Variants in ITGA6 observed in about 807,000 individuals in gnomAD.
The protein encoded by ITGA6 is integrin subunit alpha 6, also known as integrin alpha-6.
In ITGA6, 63 loss-of-function variants were observed where a neutral mutation model predicts 133.6. That is an observed-to-expected ratio of 0.47 (90% CI 0.38 to 0.58). The LOEUF (loss-of-function observed/expected upper bound fraction) is 0.58. Ranked by LOEUF, ITGA6 falls within the 20% of genes least tolerant of loss-of-function variation. ITGA6 has a pLI of 0.00. For missense variants in ITGA6, 1,068 were observed against 1,309.4 expected (o/e 0.82, Z 2.85); for synonymous variants, 434 against 482.0 (o/e 0.90, Z 1.30).
chr2:172,464,950 A>G, intron 1 of ITGA6, among the ~76,000 whole-genome samples: 1 of 152,158 alleles, frequency 6.6e-6, no homozygotes, highest in East Asian at 1.9e-4. Flanking sequence ...GAGGGAAAAA[A>G]AAAAAAGAAT....
In ITGA6 at chr2:172,491,683, T is replaced by A. The variant is rs1485508381; in HGVS notation, c.2988+160T>A. 6.6e-6 allele frequency among the ~76,000 whole-genome samples: 1 copy of A among 152,192 alleles called. No homozygotes were observed. On this transcript the variant is annotated intron_variant, in intron 23 of 25. Transcript: ENST00000684293. This position sits in a 1 kb window ranked among gnomAD's most constrained non-coding sequence, Gnocchi z 4.4. ...ACTGGCACTGCAAGCTGTATTTTAATAGAATCATTGAAAAAAAGAAGTAAA... is the reference window on the plus strand; with the variant it reads ...ACTGGCACTGCAAGCTGTATTTTAAAAGAATCATTGAAAAAAAGAAGTAAA...
At chr2:172,434,959 G>A (rs559318031) in intron 1 of ITGA6, among the ~76,000 whole-genome samples, 10 of 151,782 alleles carry the variant, frequency 6.6e-5, no homozygotes, top group Admixed American at 2.6e-4. Flanking sequence ...TGCTTTGCTC[G>A]GTGATATCAA....
At chr2:172,460,785 A>C (rs761650387) in intron 1 of ITGA6, among the ~76,000 whole-genome samples, 2 of 152,238 alleles carry the variant, frequency 1.3e-5, no homozygotes, top group Non-Finnish European at 2.9e-5. Flanking sequence ...TTTAGGTCTT[A>C]ATTTGGACAA....
In ITGA6 at chr2:172,494,474, C is replaced by T. The variant is rs78871130; in HGVS notation, c.2988+2951C>T. ...AGTGAGCCAAGAGTGTGCCACTACACTCCAGCCAGGACAACAGAGTGAGGC... is the reference window on the plus strand; with the variant it reads ...AGTGAGCCAAGAGTGTGCCACTACATTCCAGCCAGGACAACAGAGTGAGGC... On this transcript the variant is annotated intron_variant, in intron 23 of 25. Transcript: ENST00000684293. Among the ~76,000 whole-genome samples the T allele has an allele frequency of 7.7e-3, 1,173 of 152,282 alleles. 17 individuals are homozygous for T. Among genetic ancestry groups the T allele is most frequent in the African/African-American group, 0.027 (1,116 of 41,558 alleles).
intron 1 of ITGA6, among the ~76,000 whole-genome samples, chr2:172,433,755 C>T (rs1684204107): frequency 1.3e-5 from 2 of 152,186 alleles, no homozygotes; most frequent in Non-Finnish European, 2.9e-5. Flanking sequence ...TTCTCCCTTT[C>T]TTCCATTCCA....
intron 1 of ITGA6, among the ~76,000 whole-genome samples, chr2:172,455,981 T>G (rs939643895): frequency 6.6e-6 from 1 of 151,668 alleles, no homozygotes; most frequent in Non-Finnish European, 1.5e-5. Flanking sequence ...CTGCTTTTCT[T>G]CACCAGGTGG....
intron 1 of ITGA6, among the ~76,000 whole-genome samples, chr2:172,439,599 A>G (rs1684459938): frequency 1.3e-5 from 2 of 151,802 alleles, no homozygotes; most frequent in Admixed American, 6.6e-5. Flanking sequence ...CTTATATAAA[A>G]CACAAGTCTT....
At chr2:172,474,892 G>A (rs967757135) in intron 6 of ITGA6, 37 bp from the exon 7 acceptor site, 1 of 1,020,888 alleles carries the variant, frequency 9.8e-7, no homozygotes, top group East Asian at 2.4e-5. Context: ...TATGTTAGCT[G>A]TTGGTTCACG....
Position 172,427,651 on chromosome 2 carries a change from G to A in ITGA6, c.-138G>A, listed in dbSNP as rs144682022. On this transcript the variant is annotated 5_prime_UTR_variant, in exon 1 of 26. Coordinates refer to ENST00000684293, the MANE Select transcript of ITGA6 (RefSeq NM_000210.4). ...AGCGGCCGGACGGAGAGCGCGACCC[G>A]TCCCGGGGGTGGGGCCGGGCGCAGC... 0.054 allele frequency: 70,212 copies of A among 1,311,478 alleles called. 2,340 individuals carry two copies. Among genetic ancestry groups the A allele is most frequent in the East Asian group, 0.18 (5,509 of 30,718 alleles). 81.2% of individuals were successfully genotyped at this position (1,311,478 alleles called of 1,614,324 possible).
intron 1 of ITGA6, among the ~76,000 whole-genome samples, chr2:172,462,523 A>G (rs969777790): frequency 6.6e-6 from 1 of 152,208 alleles, no homozygotes; most frequent in Admixed American, 6.5e-5. Context: ...TAGCCGCCGC[A>G]TGTAAGACAC....
intron 1 of ITGA6, among the ~76,000 whole-genome samples, chr2:172,444,659 TACTC>T (rs1350691129): frequency 1.6e-5 from 2 of 125,976 alleles, no homozygotes; most frequent in African/African-American, 6.2e-5. Context: ...AGAAAAATGA[TACTC>T]AACCTGTAAA....
intron 5 of ITGA6, chr2:172,472,646 G>A (rs1056763401): frequency 3.1e-6 from 2 of 636,654 alleles, no homozygotes; most frequent in East Asian, 5.4e-5. Flanking sequence ...TTGGAAGCTG[G>A]CAATGAGAGC....
chr2:172,470,850 T>C, intron 4 of ITGA6, 124 bp from the exon 5 acceptor site: 1 of 934,130 alleles, frequency 1.1e-6, no homozygotes, highest in Non-Finnish European at 1.6e-6. Context: ...CTGTCCTTCC[T>C]TTTTTTCCTC....
At chr2:172,504,042 CTTCT>C in intron 25 of ITGA6, 45 bp from the exon 26 acceptor site, 1 of 1,444,054 alleles carries the variant, frequency 6.9e-7, no homozygotes, top group Non-Finnish European at 9.3e-7. Context: ...AGTGTATTTG[CTTCT>C]TTGTGAGATT....
intron 1 of ITGA6, among the ~76,000 whole-genome samples, chr2:172,442,193 G>A (rs998630531): frequency 1.3e-5 from 2 of 152,116 alleles, no homozygotes; most frequent in Admixed American, 6.6e-5. Flanking sequence ...CTCATTCATT[G>A]CTTTAGATTA....
chr2:172,484,310 G>A (rs1686571201), intron 11 of ITGA6, among the ~76,000 whole-genome samples: 1 of 152,210 alleles, frequency 6.6e-6, no homozygotes, highest in Non-Finnish European at 1.5e-5. Flanking sequence ...CTGAGGTTCT[G>A]CATCCTCACA....
chr2:172,503,901 C>G (rs1687451297), intron 25 of ITGA6, 190 bp from the exon 26 acceptor site: 1 of 403,582 alleles, frequency 2.5e-6, no homozygotes, highest in South Asian at 9.6e-5. Context: ...TACAGCTGTT[C>G]TCTTCCGTTG....
intron 1 of ITGA6, among the ~76,000 whole-genome samples, chr2:172,449,445 A>G (rs1269196711): frequency 6.6e-6 from 1 of 152,220 alleles, no homozygotes; most frequent in Non-Finnish European, 1.5e-5. Context: ...TATACCAGCT[A>G]CTGCTCCAGA....
chr2:172,504,265 A>AC lies in ITGA6; in HGVS notation c.*197_*198insC, dbSNP rs1361943683. 6.5e-7 allele frequency: 1 copy of AC among 1,528,966 alleles called. No individual in the cohort carries two copies. The highest frequency in any genetic ancestry group is 2.4e-5 in the East Asian group (1 of 42,024). 94.7% of individuals were successfully genotyped at this position (1,528,966 alleles called of 1,614,324 possible). A position where few individuals can be genotyped will look rare whatever the true frequency, so the allele number is the denominator to read the frequency against. ...AAGCTACTCATAGCGGGGGCCTAAA[A>AC]AAAAAAAGCTTCACAGTACCCAAAC... On this transcript the variant is annotated 3_prime_UTR_variant, in exon 26 of 26. Coordinates refer to ENST00000684293, the MANE Select transcript of ITGA6 (RefSeq NM_000210.4).
Sources: gnomAD v4.1 joint callset for allele counts (sites outside exome capture counted in the v4.1 genomes callset) on GRCh38, gnomAD v4.1.1 for gene constraint, Gnocchi (gnomAD v3.1) non-coding constraint, MANE v1.5 for transcripts, NCBI Gene and HGNC (gene_info 2026-07-23, HGNC 2026-07-21) for gene names.